CSTA: variants seen among roughly 807,000 people sequenced by gnomAD.
The protein encoded by CSTA is cystatin A.
Under a neutral mutation model 9.2 loss-of-function variants are expected in CSTA, and 9 were observed. The ratio of observed to expected loss-of-function variants is 0.97; its 90% confidence interval spans 0.59 to 1.70. The LOEUF (loss-of-function observed/expected upper bound fraction) is 1.70. Ranked by LOEUF, CSTA falls within the 40% of genes most tolerant of loss-of-function variation. The pLI is 0.00. For missense variants in CSTA, 118 were observed against 113.1 expected (o/e 1.04, Z -0.20); for synonymous variants, 36 against 40.6 (o/e 0.89, Z 0.43).
At chr3:122,325,578 T>G (rs1303151180) in intron 1 of CSTA, among the ~76,000 whole-genome samples, 2 of 152,248 alleles carry the variant, frequency 1.3e-5, no homozygotes, top group Admixed American at 6.5e-5. Flanking sequence ...ATTTCTTCTC[T>G]GAGCTTCATT....
intron 1 of CSTA, among the ~76,000 whole-genome samples, chr3:122,331,744 A>C (rs922113701): frequency 6.6e-6 from 1 of 152,188 alleles, no homozygotes; most frequent in Non-Finnish European, 1.5e-5. Context: ...CTTTTTCTAG[A>C]AACCCCACAA....
At chr3:122,335,322 G>A (rs569287379) in intron 1 of CSTA, among the ~76,000 whole-genome samples, 21 of 152,276 alleles carry the variant, frequency 1.4e-4, no homozygotes, top group African/African-American at 4.1e-4. Flanking sequence ...GTGTGATTAA[G>A]TTAAGGCTCT....
chr3:122,333,663 A>AAAAGGAAGAAAGAAAGAAG (rs2075219498), intron 1 of CSTA, among the ~76,000 whole-genome samples: 1 of 150,250 alleles, frequency 6.7e-6, no homozygotes. Context: ...AAAGGAAGAA[A>AAAAGGAAGAAAGAAAGAAG]AAAGGAAGAA....
At chr3:122,340,599 C>T (rs1474871448) in intron 2 of CSTA, among the ~76,000 whole-genome samples, 1 of 152,198 alleles carries the variant, frequency 6.6e-6, no homozygotes, top group East Asian at 1.9e-4. Flanking sequence ...CCACAGTGCC[C>T]GGCTGGCCCC....
intron 2 of CSTA, among the ~76,000 whole-genome samples, chr3:122,338,499 CAAAA>C (rs58446448): frequency 5.0e-5 from 7 of 140,136 alleles, no homozygotes; most frequent in Admixed American, 7.1e-5. Flanking sequence ...ATTTTTTCAG[CAAAA>C]AAAAAAAAAA....
chr3:122,337,536 C>A lies in CSTA; in HGVS notation c.67-11C>A. The A allele has an allele frequency of 6.4e-7, 1 of 1,572,654 alleles. No homozygotes were observed. Among genetic ancestry groups the A allele is most frequent in the Non-Finnish European group, 8.8e-7 (1 of 1,142,332 alleles). ...GCTTTGATTATTTGTTTCCTCTTTTCTTTTCTTTAGGTTAAACCACAGCTT... is the reference window on the plus strand; with the variant it reads ...GCTTTGATTATTTGTTTCCTCTTTTATTTTCTTTAGGTTAAACCACAGCTT... On this transcript the variant is annotated splice_polypyrimidine_tract_variant and intron_variant, in intron 1 of 2. Coordinates refer to ENST00000264474, the MANE Select transcript of CSTA (RefSeq NM_005213.4).
chr3:122,341,502 G>A lies in CSTA; in HGVS notation c.232G>A (p.Glu78Lys). 6.2e-7 allele frequency: 1 copy of A among 1,614,120 alleles called. No individual in the cohort carries two copies. The highest frequency in any genetic ancestry group is 8.5e-7 in the Non-Finnish European group (1 of 1,179,998). Residue 78 changes from glutamate (E) to lysine (K), a missense_variant, in exon 3 of 3, where the codon GAG becomes AAG. Glu to Lys is a moderately conservative substitution (Grantham distance 56). Coordinates refer to ENST00000264474, the MANE Select transcript of CSTA (RefSeq NM_005213.4). ...ATTCAAAAGTCTTCCCGGACAAAAT[G>A]AGGACTTGGTACTTACTGGATACCA... ...KVFKSLPGQN[E>K]DLVLTGYQVD...
At chr3:122,337,495 C>A in intron 1 of CSTA, 52 bp from the exon 2 acceptor site, 2 of 1,240,038 alleles carry the variant, frequency 1.6e-6, no homozygotes, top group East Asian at 2.3e-5. Flanking sequence ...ACATTGCATA[C>A]ATGGAGTCTA....
chr3:122,340,600 G>A (rs1026815708), intron 2 of CSTA, among the ~76,000 whole-genome samples: 17 of 152,166 alleles, frequency 1.1e-4, no homozygotes, highest in Non-Finnish European at 1.5e-4. Context: ...CACAGTGCCC[G>A]GCTGGCCCCT....
At chr3:122,339,036 G>A (rs953605148) in intron 2 of CSTA, among the ~76,000 whole-genome samples, 20 of 151,920 alleles carry the variant, frequency 1.3e-4, no homozygotes, top group African/African-American at 4.8e-4. Flanking sequence ...TGGTAGTCTG[G>A]CTGTTGATCC....
At chr3:122,337,452 A>G (rs780214231) in intron 1 of CSTA, 95 bp from the exon 2 acceptor site, 2 of 775,118 alleles carry the variant, frequency 2.6e-6, no homozygotes, top group Admixed American at 2.2e-5. Context: ...CCATCTTTGA[A>G]GACTTTTAGG....
intron 1 of CSTA, among the ~76,000 whole-genome samples, chr3:122,329,728 G>C (rs2075193077): frequency 2.6e-5 from 4 of 152,174 alleles, no homozygotes; most frequent in African/African-American, 2.4e-5. Context: ...GAGTTTACAG[G>C]GTAGTTGGGA....
At chr3:122,333,579 G>GA (rs1290477806) in intron 1 of CSTA, among the ~76,000 whole-genome samples, 2 of 120,418 alleles carry the variant, frequency 1.7e-5, no homozygotes, top group African/African-American at 6.7e-5. Flanking sequence ...AAGAAAGAAA[G>GA]AAAGAAAGAA....
At chr3:122,327,787 G>A (rs1404158654) in intron 1 of CSTA, among the ~76,000 whole-genome samples, 1 of 152,040 alleles carries the variant, frequency 6.6e-6, no homozygotes, top group Admixed American at 6.6e-5. Context: ...GAACAGAGCT[G>A]TAGGAACATA....
chr3:122,335,873 C>A (rs2075233985), intron 1 of CSTA, among the ~76,000 whole-genome samples: 1 of 151,690 alleles, frequency 6.6e-6, no homozygotes, highest in African/African-American at 2.4e-5. Flanking sequence ...CTCAAGTGAT[C>A]CACCCGCCTC....
Position 122,341,860 on chromosome 3 carries a change from C to T in CSTA, c.*293C>T, listed in dbSNP as rs1029778376. The T allele has an allele frequency of 1.3e-5, 5 of 383,106 alleles. No homozygotes were observed. Among genetic ancestry groups the T allele is most frequent in the Admixed American group, 3.9e-5 (1 of 25,472 alleles). The allele number at this position is 383,106 out of a possible 1,614,324, so 23.7% of individuals were successfully genotyped here. The stretch of plus-strand genomic sequence containing the variant: ...CACCCTCACCCCCACCATAGGCAGG[C>T]TGGATCGTGGACTATCAATTCACCA... On this transcript the variant is annotated 3_prime_UTR_variant, in exon 3 of 3. Transcript: ENST00000264474.
intron 2 of CSTA, among the ~76,000 whole-genome samples, chr3:122,340,223 C>T (rs1356360771): frequency 6.6e-6 from 1 of 152,130 alleles, no homozygotes; most frequent in East Asian, 1.9e-4. Flanking sequence ...CATAATTTTC[C>T]AGGTCTCAGA....
intron 1 of CSTA, among the ~76,000 whole-genome samples, chr3:122,332,839 C>A (rs2075212147): frequency 6.6e-6 from 1 of 152,190 alleles, no homozygotes; most frequent in Non-Finnish European, 1.5e-5. Context: ...ACCACCGTTC[C>A]CAGCTGGCCT....
At chr3:122,337,353 G>A (rs1038886567) in intron 1 of CSTA, among the ~76,000 whole-genome samples, 194 bp from the exon 2 acceptor site, 1 of 152,150 alleles carries the variant, frequency 6.6e-6, no homozygotes, top group Non-Finnish European at 1.5e-5. Context: ...TCAGCCTAAA[G>A]CAACAAAATT....
Sources: gnomAD v4.1 joint callset for allele counts (sites outside exome capture counted in the v4.1 genomes callset) on GRCh38, gnomAD v4.1.1 for gene constraint, MANE v1.5 for transcripts, NCBI Gene and HGNC (gene_info 2026-07-23, HGNC 2026-07-21) for gene names.